PIK3C2B: variants seen among roughly 807,000 people sequenced by gnomAD.
PIK3C2B encodes phosphatidylinositol 4-phosphate 3-kinase C2 domain-containing subunit beta.
Under a neutral mutation model 184.3 loss-of-function variants are expected in PIK3C2B, and 83 were observed. That is an observed-to-expected ratio of 0.45 (90% confidence interval 0.38 to 0.54). The LOEUF is 0.54. Among genes scored for constraint, PIK3C2B ranks in the 20% least tolerant of loss-of-function variants. The probability of loss-of-function intolerance (pLI) is 0.00; values close to 1 mark genes in which losing one functional copy is unlikely to be tolerated. For missense variants in PIK3C2B, 1,736 were observed against 2,113.5 expected, an observed-to-expected ratio of 0.82 and a Z score of 3.50; for synonymous variants, 779 against 837.6, an observed-to-expected ratio of 0.93 and a Z score of 1.21.
intron 20 of PIK3C2B, 40 bp downstream of exon 20, chr1:204,442,486 C>T: frequency 3.7e-6 from 5 of 1,343,374 alleles, no homozygotes; most frequent in Non-Finnish European, 5.2e-6. Flanking sequence ...CTCCACTGAG[C>T]CCTCCCACTC....
intron 10 of PIK3C2B, among the ~76,000 whole-genome samples, chr1:204,456,814 T>A (rs1049160064): frequency 6.8e-6 from 1 of 147,378 alleles, no homozygotes; most frequent in Admixed American, 6.9e-5. Context: ...GGAAAAATAA[T>A]AAGAAAACAC....
At chr1:204,464,325 C>T in intron 4 of PIK3C2B, 125 bp downstream of exon 4, 1 of 1,150,090 alleles carries the variant, frequency 8.7e-7, no homozygotes. Flanking sequence ...GCCCCTCACC[C>T]CCAAAGGAGC....
chr1:204,463,853 G>A (rs1320105162), intron 5 of PIK3C2B, among the ~76,000 whole-genome samples, 159 bp downstream of exon 5: 19 of 152,178 alleles, frequency 1.2e-4, no homozygotes, highest in Admixed American at 1.2e-3. Context: ...AGAGCTCCTG[G>A]GGAAAGTGCT....
Position 204,433,724 on chromosome 1 carries a change from A to G in PIK3C2B, c.3843+69T>C. The G allele has an allele frequency of 7.0e-7, 1 of 1,425,618 alleles. No individual in the cohort carries two copies. Among genetic ancestry groups the G allele is most frequent in the South Asian group, 1.2e-5 (1 of 84,884 alleles). 88.3% of individuals were successfully genotyped at this position (1,425,618 alleles called of 1,614,324 possible). A position where few individuals can be genotyped will look rare whatever the true frequency, so the allele number is the denominator to read the frequency against. ...ATCTCTAGAAATCCTCTGCGGCAAG[A>G]CAGGGAAGTCTTAAAGATGATGCCA... On this transcript the variant is annotated intron_variant, in intron 25 of 32. Coordinates refer to ENST00000684373, the MANE Select transcript of PIK3C2B (RefSeq NM_001377334.1). The surrounding 1 kb of genome is among the most constrained non-coding windows in gnomAD (Gnocchi z 5.0).
At chr1:204,487,853 G>T (rs771380466) in intron 1 of PIK3C2B, among the ~76,000 whole-genome samples, 3 of 152,040 alleles carry the variant, frequency 2.0e-5, no homozygotes, top group Non-Finnish European at 4.4e-5. Context: ...CTGCATTTTG[G>T]GTGGGAGGGG....
At chr1:204,485,887 C>T (rs1451809783) in intron 1 of PIK3C2B, among the ~76,000 whole-genome samples, 2 of 151,750 alleles carry the variant, frequency 1.3e-5, no homozygotes, top group East Asian at 1.9e-4. Context: ...GGGGGATGTG[C>T]GATGGCTGTA....
intron 1 of PIK3C2B, among the ~76,000 whole-genome samples, chr1:204,473,104 A>G (rs923222025): frequency 2.4e-4 from 37 of 152,350 alleles, no homozygotes; most frequent in African/African-American, 8.4e-4. Context: ...GAAAACATCA[A>G]TAGGAAAAAG....
In PIK3C2B at chr1:204,457,830, C is replaced by T; in HGVS notation, c.1611G>A (p.Lys537=). The T allele has an allele frequency of 6.2e-7, 1 of 1,613,422 alleles. No homozygotes were observed. The highest frequency in any genetic ancestry group is 8.5e-7 in the Non-Finnish European group (1 of 1,179,762). The change falls in exon 9 of 33, where the codon AAG becomes AAA. Residue 537 remains lysine (K), a synonymous_variant. Coordinates refer to ENST00000684373, the MANE Select transcript of PIK3C2B (RefSeq NM_001377334.1). ...LKADRVVQSV[K]AICNALAAVE... is the part of the protein sequence containing the mutation. ...CGGCGGCCAGGGCGTTGCAGATGGC[C>T]TTGACGGACTGGACCACCCTGTCAG...
chr1:204,430,485 A>ATAAAAGCATGC (rs1430029591), intron 28 of PIK3C2B, among the ~76,000 whole-genome samples: 1 of 151,452 alleles, frequency 6.6e-6, no homozygotes, highest in African/African-American at 2.4e-5. Context: ...AGCTGGGATT[A>ATAAAAGCATGC]CAGGCACACA....
At chr1:204,437,382 C>T (rs1010692061) in intron 23 of PIK3C2B, among the ~76,000 whole-genome samples, 2 of 152,138 alleles carry the variant, frequency 1.3e-5, no homozygotes, top group Admixed American at 6.6e-5. Context: ...ATAATCCCAG[C>T]TACTTGGGAG....
intron 1 of PIK3C2B, among the ~76,000 whole-genome samples, chr1:204,476,393 A>C (rs1656711785): frequency 6.6e-6 from 1 of 152,036 alleles, no homozygotes; most frequent in African/African-American, 2.4e-5. Context: ...GGGGGGAAAA[A>C]AAATTAGCTG....
intron 23 of PIK3C2B, among the ~76,000 whole-genome samples, chr1:204,434,902 C>CA (rs2103473294): frequency 6.6e-6 from 1 of 152,344 alleles, no homozygotes; most frequent in South Asian, 2.1e-4. Context: ...GTTGGAAAGA[C>CA]AGTGGACTGA....
Position 204,444,058 on chromosome 1 carries a change from G to A in PIK3C2B, c.2867+10C>T. 6.3e-7 allele frequency: 1 copy of A among 1,579,938 alleles called. No homozygotes were observed. Among genetic ancestry groups the A allele is most frequent in the Non-Finnish European group, 8.7e-7 (1 of 1,148,822 alleles). ...GTGTCTACCTCCCACTTTTCTACAT[G>A]CAGTTTTACCAGAAGAAGTAGTGAG... is the stretch of plus-strand genomic sequence containing the variant. On this transcript the variant is annotated intron_variant, in intron 18 of 32. Coordinates refer to ENST00000684373, the MANE Select transcript of PIK3C2B (RefSeq NM_001377334.1).
chr1:204,439,138 A>G (rs769124105), intron 22 of PIK3C2B, 67 bp from the exon 23 acceptor site: 259 of 1,532,876 alleles, frequency 1.7e-4, no homozygotes, highest in Non-Finnish European at 2.2e-4. Flanking sequence ...AGAGGACTAC[A>G]AGGACTGTGC....
chr1:204,454,220 C>T (rs1186591377), intron 12 of PIK3C2B, among the ~76,000 whole-genome samples: 7 of 151,672 alleles, frequency 4.6e-5, no homozygotes, highest in Admixed American at 2.0e-4. Context: ...TGGTGGCTCA[C>T]GCCTGTAATC....
intron 1 of PIK3C2B, among the ~76,000 whole-genome samples, chr1:204,483,249 C>A (rs890373662): frequency 5.9e-5 from 9 of 152,098 alleles, no homozygotes; most frequent in African/African-American, 2.2e-4. Flanking sequence ...TAGACTCCAT[C>A]TTTACAAAAA....
chr1:204,425,727 A>G lies in PIK3C2B; in HGVS notation c.4602T>C (p.Asp1534=), dbSNP rs1233191742. 2.5e-6 allele frequency: 4 copies of G among 1,613,658 alleles called. No individual in the cohort carries two copies. In the South Asian group the frequency reaches 3.3e-5, roughly 13 times the overall value. Residue 1534 remains aspartate, a synonymous_variant, in exon 32 of 33, where the codon GAT becomes GAC. Coordinates refer to ENST00000684373, the MANE Select transcript of PIK3C2B (RefSeq NM_001377334.1). ...TCACATAGGGGTCAGGGTCATTTCC[A>G]TCCTGGAGCAGTTGCTACAATAGAA... ...MHIRGLQLLQ[D]GNDPDPYVKI... is the part of the protein sequence containing the mutation.
At chr1:204,459,815 G>A (rs1204533360) in intron 8 of PIK3C2B, 63 bp downstream of exon 8, 2 of 1,343,034 alleles carry the variant, frequency 1.5e-6, no homozygotes, top group East Asian at 4.6e-5. Context: ...ATCCCAGGAG[G>A]ACTGAGGAAG....
intron 1 of PIK3C2B, among the ~76,000 whole-genome samples, chr1:204,494,049 T>A (rs1658197742): frequency 1.3e-5 from 2 of 152,202 alleles, no homozygotes; most frequent in African/African-American, 4.8e-5. Context: ...GCCCTGCAGC[T>A]GGGAGCCAGG....
Sources: allele counts gnomAD v4.1 joint callset (sites outside exome capture counted in the v4.1 genomes callset), GRCh38; gene constraint gnomAD v4.1.1; non-coding constraint Gnocchi (gnomAD v3.1); transcripts MANE v1.5; gene names NCBI Gene and HGNC (gene_info 2026-07-23, HGNC 2026-07-21).